ATAD2: variants seen among roughly 807,000 people sequenced by gnomAD.
The protein encoded by ATAD2 is ATPase family AAA domain containing 2, also known as ATPase family AAA domain-containing protein 2.
ATAD2 carries 62 observed loss-of-function variants against 168.9 expected under a neutral mutation model. The observed-to-expected ratio is 0.37, with a 90% CI of 0.30 to 0.45. ATAD2 has a LOEUF of 0.45. Among genes scored for constraint, ATAD2 ranks in the 20% least tolerant of loss-of-function variants. The pLI is 1.00. For missense variants in ATAD2, 1,419 were observed against 1,667.8 expected, an observed-to-expected ratio of 0.85 and a Z score of 2.60; for synonymous variants, 613 against 571.6, an observed-to-expected ratio of 1.07 and a Z score of -1.03.
In ATAD2 at chr8:123,370,948, GA is replaced by G; in HGVS notation, c.681del (p.Gln228LysfsTer121). ...NMYTRGKQKDIQRTDEETTDN... is the reference protein window; with the variant it reads ...NMYTRGKQKDXQRTDEETTDN... ...TCAGTTGTTTCTTCATCAGTTCTTT[GA>G]ATATCTTTCTGTTTTCCTCTTGTGT... is the stretch of plus-strand genomic sequence containing the variant. On this transcript the variant is annotated frameshift_variant, in exon 6 of 28. Coordinates refer to ENST00000287394, the MANE Select transcript of ATAD2 (RefSeq NM_014109.4). LOFTEE classifies it high-confidence loss of function. The G allele has an allele frequency of 6.2e-7, 1 of 1,607,514 alleles. No individual in the cohort carries two copies. The highest frequency in any genetic ancestry group is 8.5e-7 in the Non-Finnish European group (1 of 1,176,328).
rs761070967 is a variant in ATAD2 at position 123,371,342 on chromosome 8, TAA to T, written c.537-6_537-5del. ...TTGAAGTACAGCTTCAGCAGTGCTT[TAA>T]AAAAAAGATATAAATGTAAGTGAAA... On this transcript the variant is annotated splice_polypyrimidine_tract_variant and splice_region_variant and intron_variant, in intron 4 of 27. Coordinates refer to ENST00000287394, the MANE Select transcript of ATAD2 (RefSeq NM_014109.4). 1.3e-5 allele frequency: 20 copies of T among 1,573,236 alleles called. No homozygotes were observed. In the East Asian group the frequency reaches 4.1e-4, roughly 32 times the overall value.
intron 1 of ATAD2, among the ~76,000 whole-genome samples, chr8:123,389,960 T>TTTTATATATATATATATA (rs1392406832): frequency 1.5e-4 from 14 of 94,016 alleles, no homozygotes; most frequent in East Asian, 3.0e-4. Context: ...TACTATTATT[T>TTTTATATATATATATATA]TATATATATA....
chr8:123,374,645 AAGCCAT>A (rs1563857747), intron 2 of ATAD2, among the ~76,000 whole-genome samples: 1 of 152,200 alleles, frequency 6.6e-6, no homozygotes, highest in East Asian at 1.9e-4. Context: ...TTAAGCTTGG[AAGCCAT>A]ACAGTCTCCT....
upstream of ATAD2, chr8:123,400,768 C>T: frequency 3.7e-6 from 3 of 811,090 alleles, no homozygotes; most frequent in African/African-American, 3.3e-5. The surrounding 1 kb of genome is among the most constrained non-coding windows in gnomAD (Gnocchi z 4.5). Flanking sequence ...GAAGACGCCG[C>T]TGATCTCCTC....
chr8:123,374,443 G>A (rs1013021994), intron 2 of ATAD2, among the ~76,000 whole-genome samples: 1 of 152,116 alleles, frequency 6.6e-6, no homozygotes, highest in Non-Finnish European at 1.5e-5. Flanking sequence ...TCTCATAAAG[G>A]AGCTCCTCCC....
chr8:123,399,856 A>G (rs1309067108), upstream of ATAD2, among the ~76,000 whole-genome samples: 3 of 151,468 alleles, frequency 2.0e-5, no homozygotes, highest in African/African-American at 7.3e-5. Flanking sequence ...CTCCATCTCA[A>G]AAAAAGAAGG....
At position 123,370,978 on chromosome 8, in the gene ATAD2, T is replaced by C. The variant is rs771111014; in HGVS notation, c.652A>G (p.Met218Val). ...TCTTTCTGTTTTCCTCTTGTGTACA[T>C]ATTAAGATTGCTCTAAAAATGTTTA... is the stretch of plus-strand genomic sequence containing the variant. Reference protein sequence around the residue: ...FNETEESNLNMYTRGKQKDIQ... With the variant: ...FNETEESNLNVYTRGKQKDIQ... Residue 218 changes from methionine (M) to valine (V), a missense_variant, in exon 6 of 28, where the codon ATG becomes GTG. Around this residue, in one of 5 missense-constraint regions of ATAD2, gnomAD observed 419 missense variants for 423.5 expected, o/e 0.99. Coordinates refer to ENST00000287394, the MANE Select transcript of ATAD2 (RefSeq NM_014109.4). The C allele has an allele frequency of 1.4e-5, 22 of 1,580,454 alleles. No individual in the cohort carries two copies. The highest frequency in any genetic ancestry group is 5.5e-5 in the African/African-American group (4 of 73,386).
intron 14 of ATAD2, 87 bp downstream of exon 14, chr8:123,349,198 G>T (rs1172957468): frequency 7.3e-6 from 10 of 1,365,074 alleles, no homozygotes; most frequent in Non-Finnish European, 9.9e-6. Flanking sequence ...CAAAACTCAA[G>T]AATCTCCAAA....
chr8:123,347,072 TG>T lies in ATAD2; in HGVS notation c.2212+19del. ...ACTGATTATAAAAACTAACTTTAAA[TG>T]GTCAATCAAGTTTTATACCTGAGTC... On this transcript the variant is annotated intron_variant, in intron 16 of 27. Coordinates refer to ENST00000287394, the MANE Select transcript of ATAD2 (RefSeq NM_014109.4). The T allele has an allele frequency of 6.4e-7, 1 of 1,572,350 alleles. No homozygotes were observed. Among genetic ancestry groups the T allele is most frequent in the Non-Finnish European group, 8.6e-7 (1 of 1,156,542 alleles).
chr8:123,404,064 T>C (rs1237403246), intron 1 of ATAD2, among the ~76,000 whole-genome samples: 1 of 152,180 alleles, frequency 6.6e-6, no homozygotes, highest in Non-Finnish European at 1.5e-5. Context: ...TTAGGAGTTA[T>C]TAACTTTTCT....
In ATAD2 at chr8:123,328,328, T is replaced by G; in HGVS notation, c.3730A>C (p.Asn1244His). The G allele has an allele frequency of 6.2e-7, 1 of 1,608,222 alleles. No homozygotes were observed. Among genetic ancestry groups the G allele is most frequent in the Non-Finnish European group, 8.5e-7 (1 of 1,178,066 alleles). Residue 1244 changes from asparagine to histidine, a missense_variant, in exon 25 of 28, where the codon AAT becomes CAT. By Grantham distance (68) the Asn-to-His change is moderately conservative. Coordinates refer to ENST00000287394, the MANE Select transcript of ATAD2 (RefSeq NM_014109.4). Reference sequence around the variant, plus strand: ...AGCTCATTCTCTATATTACAAGTATTTGAATTATTTCTCAATTCCAGTTTG... The same window carrying G: ...AGCTCATTCTCTATATTACAAGTATGTGAATTATTTCTCAATTCCAGTTTG... Reference protein sequence around the residue: ...ESKLELRNNSNTCNIENELED... With the variant: ...ESKLELRNNSHTCNIENELED...
intron 5 of ATAD2, 80 bp downstream of exon 5, chr8:123,371,156 T>C (rs1286634119): frequency 6.5e-6 from 8 of 1,223,182 alleles, no homozygotes; most frequent in East Asian, 2.5e-5. Context: ...AAAGTAGATA[T>C]TTAATGAAAA....
chr8:123,378,304 A>T (rs889935854), intron 2 of ATAD2, among the ~76,000 whole-genome samples: 8 of 152,214 alleles, frequency 5.3e-5, no homozygotes, highest in Non-Finnish European at 8.8e-5. Flanking sequence ...GACGCAAATT[A>T]AAAAATATGT....
chr8:123,401,238 C>G (rs1345832443), upstream of ATAD2: 14 of 916,716 alleles, frequency 1.5e-5, no homozygotes, highest in African/African-American at 3.3e-5. Flanking sequence ...TGGTGGCCAT[C>G]ATTGCCCTCA....
intron 19 of ATAD2, among the ~76,000 whole-genome samples, chr8:123,344,344 C>CTTT (rs764379399): frequency 3.0e-4 from 38 of 125,852 alleles, no homozygotes; most frequent in African/African-American, 3.7e-4. Flanking sequence ...TTTTTAAATA[C>CTTT]TTTTTTTTTT....
chr8:123,367,004 A>C (rs1266117536), intron 8 of ATAD2, among the ~76,000 whole-genome samples: 2 of 152,204 alleles, frequency 1.3e-5, no homozygotes, highest in African/African-American at 2.4e-5. Flanking sequence ...AATAAAATAA[A>C]TAAAAAACAT....
intron 1 of ATAD2, among the ~76,000 whole-genome samples, chr8:123,393,842 G>A (rs888876087): frequency 1.3e-5 from 2 of 151,958 alleles, no homozygotes; most frequent in Non-Finnish European, 2.9e-5. Flanking sequence ...ACTTGAACCC[G>A]GGAGGCGGAA....
intron 8 of ATAD2, among the ~76,000 whole-genome samples, chr8:123,362,160 T>G (rs544393895): frequency 1.3e-5 from 2 of 152,130 alleles, no homozygotes; most frequent in South Asian, 4.2e-4. Context: ...GGTATGGTTG[T>G]AGCACATCTG....
chr8:123,385,812 T>A (rs1829632998), intron 1 of ATAD2, among the ~76,000 whole-genome samples: 1 of 151,884 alleles, frequency 6.6e-6, no homozygotes, highest in Non-Finnish European at 1.5e-5. Flanking sequence ...CACGCATACA[T>A]ATATATATCT....
Sources: allele counts gnomAD v4.1 joint callset (sites outside exome capture counted in the v4.1 genomes callset), GRCh38; gene constraint gnomAD v4.1.1; regional missense constraint gnomAD v4.1.1; non-coding constraint Gnocchi (gnomAD v3.1); transcripts MANE v1.5; gene names NCBI Gene and HGNC (gene_info 2026-07-23, HGNC 2026-07-21).